The following ASXL2 variants were observed in gnomAD, a reference collection of about 807,000 sequenced individuals.
ASXL2 encodes putative Polycomb group protein ASXL2.
A neutral mutation model predicts 122.0 loss-of-function variants in ASXL2; 23 were observed. The observed-to-expected ratio is 0.19, with a 90% CI of 0.14 to 0.27. The LOEUF is 0.27. ASXL2 is among the 10% of genes least tolerant of loss of function. ASXL2 has a pLI of 1.00. For synonymous variants in ASXL2, 650 were observed against 637.0 expected (o/e 1.02, Z -0.31); for missense variants, 1,518 against 1,713.8 (o/e 0.89, Z 2.02).
chr2:25,746,977 T>C (rs186028252), intron 12 of ASXL2, among the ~76,000 whole-genome samples: 37 of 152,322 alleles, frequency 2.4e-4, no homozygotes, highest in African/African-American at 8.7e-4. Flanking sequence ...GCTCAAGTCC[T>C]TTATATAAAA....
chr2:25,749,647 CAT>C, intron 12 of ASXL2, 47 bp downstream of exon 12: 1 of 1,420,978 alleles, frequency 7.0e-7, no homozygotes, highest in Non-Finnish European at 9.3e-7. Flanking sequence ...TGACCAAAAA[CAT>C]AGGGTTCAGA....
chr2:25,826,693 C>A (rs1168550115), intron 3 of ASXL2, among the ~76,000 whole-genome samples: 1 of 134,478 alleles, frequency 7.4e-6, no homozygotes, highest in African/African-American at 2.8e-5. Context: ...GAACTATACA[C>A]AATCTATATT....
In ASXL2 at chr2:25,843,495, T is replaced by C. The variant is rs535511463; in HGVS notation, c.140+1986A>G. Among the ~76,000 whole-genome samples the C allele has an allele frequency of 5.9e-5, 9 of 152,180 alleles. No individual in the cohort carries two copies. In the South Asian group the frequency reaches 6.2e-4, roughly 11 times the overall value. Reference sequence around the variant, plus strand: ...ATGTTTACACTCAATTTTTCAGGGATGTGTTATATAAAGTAAGGTAAACTA... The same window carrying C: ...ATGTTTACACTCAATTTTTCAGGGACGTGTTATATAAAGTAAGGTAAACTA... On this transcript the variant is annotated intron_variant, in intron 2 of 12. Coordinates refer to ENST00000435504, the MANE Select transcript of ASXL2 (RefSeq NM_018263.6).
At chr2:25,790,202 T>C (rs1166765052) in intron 5 of ASXL2, among the ~76,000 whole-genome samples, 2 of 151,894 alleles carry the variant, frequency 1.3e-5, no homozygotes, top group Non-Finnish European at 2.9e-5. Context: ...AAATTTGACA[T>C]TGCTGGGTCA....
At chr2:25,745,069 A>C (rs2087919149) in intron 12 of ASXL2, among the ~76,000 whole-genome samples, 1 of 152,108 alleles carries the variant, frequency 6.6e-6, no homozygotes, top group Non-Finnish European at 1.5e-5. Flanking sequence ...CACCATGCCC[A>C]TACACATAAA....
In ASXL2 at chr2:25,739,780, GA is replaced by G; in HGVS notation, c.*2248del. 4 of 220,648 alleles carry G rather than the reference GA, an allele frequency of 1.8e-5. No homozygotes were observed. The highest frequency in any genetic ancestry group is 3.6e-5 in the Non-Finnish European group (4 of 110,292). 13.7% of individuals were successfully genotyped at this position (220,648 alleles called of 1,614,324 possible). A position where few individuals can be genotyped will look rare whatever the true frequency, so the allele number is the denominator to read the frequency against. Reference sequence around the variant, plus strand: ...GCACAGAGGAAAACCTTTCTGACAGGAAAAAGGTAAAGCAGAAAAATCACTT... The same window carrying G: ...GCACAGAGGAAAACCTTTCTGACAGGAAAAGGTAAAGCAGAAAAATCACTT... On this transcript the variant is annotated 3_prime_UTR_variant, in exon 13 of 13. Coordinates refer to ENST00000435504, the MANE Select transcript of ASXL2 (RefSeq NM_018263.6).
intron 3 of ASXL2, among the ~76,000 whole-genome samples, chr2:25,813,792 T>C (rs112612812): frequency 0.042 from 6,461 of 152,338 alleles, 211 homozygotes; most frequent in African/African-American, 0.08. Flanking sequence ...GGCTCACGCC[T>C]GTAATCCCAG....
intron 1 of ASXL2, among the ~76,000 whole-genome samples, chr2:25,860,558 C>G (rs1158449630): frequency 1.4e-5 from 2 of 147,892 alleles, no homozygotes; most frequent in Non-Finnish European, 3.0e-5. Context: ...ACTAAAAATA[C>G]AAAAATGCCG....
intron 4 of ASXL2, among the ~76,000 whole-genome samples, chr2:25,804,271 C>T (rs1480781750): frequency 6.6e-6 from 1 of 152,208 alleles, no homozygotes; most frequent in Non-Finnish European, 1.5e-5. Context: ...CACTGCCTAC[C>T]AAGCATTCAT....
intron 1 of ASXL2, among the ~76,000 whole-genome samples, chr2:25,849,064 C>CCTATATATATATATATATATATAT (rs1553705438): frequency 1.2e-5 from 1 of 86,516 alleles, no homozygotes; most frequent in African/African-American, 6.1e-5. Context: ...AAAAAATTTA[C>CCTATATATATATATATATATATAT]ATATATATAT....
intron 4 of ASXL2, among the ~76,000 whole-genome samples, chr2:25,800,696 G>C (rs1010556813): frequency 1.3e-5 from 2 of 152,068 alleles, no homozygotes; most frequent in East Asian, 3.8e-4. Context: ...TCTCCTAATT[G>C]TGCAGTTAAA....
chr2:25,803,921 T>G, intron 4 of ASXL2, among the ~76,000 whole-genome samples: 1 of 152,174 alleles, frequency 6.6e-6, no homozygotes, highest in East Asian at 1.9e-4. Flanking sequence ...AGGAGAAACC[T>G]CCACACATCT....
intron 5 of ASXL2, among the ~76,000 whole-genome samples, chr2:25,795,895 C>T (rs1379909404): frequency 6.6e-6 from 1 of 152,102 alleles, no homozygotes; most frequent in Non-Finnish European, 1.5e-5. Context: ...GAATGGAGGG[C>T]CCTGGACTAC....
At chr2:25,867,389 A>T (rs1048149952) in intron 1 of ASXL2, among the ~76,000 whole-genome samples, 8 of 152,128 alleles carry the variant, frequency 5.3e-5, no homozygotes, top group African/African-American at 1.9e-4. Flanking sequence ...ATAAGGATAG[A>T]TTGAGGCCTG....
At chr2:25,753,319 A>C (rs1559501325) in intron 11 of ASXL2, among the ~76,000 whole-genome samples, 1 of 151,888 alleles carries the variant, frequency 6.6e-6, no homozygotes, top group Non-Finnish European at 1.5e-5. Context: ...TTAAGGGTAA[A>C]GTATGATGAG....
At chr2:25,753,397 G>C in intron 11 of ASXL2, 137 bp downstream of exon 11, 2 of 554,492 alleles carry the variant, frequency 3.6e-6, no homozygotes, top group East Asian at 3.1e-5. Flanking sequence ...GAATCAGTGA[G>C]ACAAAAAAAA....
At chr2:25,842,811 TG>T (rs1290717244) in intron 2 of ASXL2, among the ~76,000 whole-genome samples, 46 of 151,286 alleles carry the variant, frequency 3.0e-4, no homozygotes, top group Admixed American at 2.1e-3. Context: ...TATATATATA[TG>T]TTTTTTTTGT....
intron 1 of ASXL2, among the ~76,000 whole-genome samples, chr2:25,860,011 T>C (rs917720965): frequency 2.6e-5 from 4 of 151,988 alleles, no homozygotes; most frequent in Non-Finnish European, 5.9e-5. Flanking sequence ...TAGCAAAACA[T>C]TGTCTCTTAA....
At chr2:25,803,327 A>C (rs2089028553) in intron 4 of ASXL2, among the ~76,000 whole-genome samples, 1 of 152,182 alleles carries the variant, frequency 6.6e-6, no homozygotes, top group South Asian at 2.1e-4. Context: ...GGGTAAATGT[A>C]AGTAAAGCAT....
Sources: allele counts gnomAD v4.1 joint callset (sites outside exome capture counted in the v4.1 genomes callset), GRCh38; gene constraint gnomAD v4.1.1; transcripts MANE v1.5; gene names NCBI Gene and HGNC (gene_info 2026-07-23, HGNC 2026-07-21).